TNS3: variants seen among roughly 807,000 people sequenced by gnomAD.
The protein encoded by TNS3 is tensin 3.
A neutral mutation model predicts 140.9 loss-of-function variants in TNS3; 45 were observed. That is an observed-to-expected ratio of 0.32 (90% CI 0.25 to 0.41). The LOEUF (loss-of-function observed/expected upper bound fraction) is 0.41, where lower values mean the gene tolerates loss of function less well. TNS3 is among the 10% of genes least tolerant of loss of function. TNS3 has a pLI of 1.00. For missense variants in TNS3, 1,716 were observed against 1,906.7 expected, an observed-to-expected ratio of 0.90 and a Z score of 1.86; for synonymous variants, 815 against 788.4, an observed-to-expected ratio of 1.03 and a Z score of -0.56.
intron 16 of TNS3, among the ~76,000 whole-genome samples, chr7:47,393,578 G>C (rs1792655258): frequency 6.6e-6 from 1 of 152,094 alleles, no homozygotes; most frequent in South Asian, 2.1e-4. Flanking sequence ...CACCTCCCTG[G>C]GGGTGCTCAT....
Position 47,369,264 on chromosome 7 carries a change from T to A in TNS3, c.1382A>T (p.Gln461Leu). Residue 461 changes from glutamine to leucine, a missense_variant, in exon 17 of 31, where the codon CAG (glutamine) becomes CTG (leucine). Transcript: ENST00000311160. ...AGCAGCGTCTCCATTCACGTGAACC[T>A]GGGCTGGCACCACGTGGCGGGTCCC... ...YSGTRHVVPA[Q>L]VHVNGDAALK... 1 of 1,614,180 alleles carries A rather than the reference T, an allele frequency of 6.2e-7. No homozygotes were observed. Among genetic ancestry groups the A allele is most frequent in the Non-Finnish European group, 8.5e-7 (1 of 1,180,036 alleles).
chr7:47,569,858 A>G (rs1800513849), intron 1 of TNS3, among the ~76,000 whole-genome samples: 1 of 146,780 alleles, frequency 6.8e-6, no homozygotes, highest in African/African-American at 2.5e-5. Flanking sequence ...TGTCTCAATA[A>G]AAAGAATAGG....
intron 4 of TNS3, among the ~76,000 whole-genome samples, chr7:47,447,784 C>T (rs761067411): frequency 2.0e-5 from 3 of 152,198 alleles, no homozygotes; most frequent in African/African-American, 4.8e-5. Context: ...CACCCCACCA[C>T]GCGCCATTTG....
chr7:47,385,869 C>A (rs1296685896), intron 16 of TNS3, among the ~76,000 whole-genome samples: 2 of 152,220 alleles, frequency 1.3e-5, no homozygotes, highest in Non-Finnish European at 2.9e-5. Flanking sequence ...ATGGCTACTG[C>A]TGCCACCAAA....
chr7:47,461,387 A>G (rs548121560), intron 4 of TNS3, among the ~76,000 whole-genome samples: 15 of 152,218 alleles, frequency 9.9e-5, no homozygotes, highest in Non-Finnish European at 1.9e-4. Context: ...TATGGAATGC[A>G]TGGCCTGAGC....
intron 16 of TNS3, among the ~76,000 whole-genome samples, chr7:47,384,339 A>C (rs1791949702): frequency 6.6e-6 from 1 of 152,018 alleles, no homozygotes; most frequent in Non-Finnish European, 1.5e-5. Context: ...TTTCACCCAA[A>C]ACTCATTTCT....
intron 28 of TNS3, among the ~76,000 whole-genome samples, 191 bp from the exon 29 acceptor site, chr7:47,280,545 A>G (rs1272943729): frequency 3.9e-5 from 6 of 152,222 alleles, no homozygotes; most frequent in African/African-American, 1.4e-4. Flanking sequence ...GCTGGGCAGA[A>G]CAGTTGTTAC....
At chr7:47,363,949 G>A (rs963464130) in intron 17 of TNS3, among the ~76,000 whole-genome samples, 4 of 152,158 alleles carry the variant, frequency 2.6e-5, no homozygotes, top group Non-Finnish European at 5.9e-5. Flanking sequence ...TCCTTTGGCT[G>A]GCTGAGGAGA....
At chr7:47,447,954 G>A (rs1444262564) in intron 4 of TNS3, among the ~76,000 whole-genome samples, 1 of 152,250 alleles carries the variant, frequency 6.6e-6, no homozygotes, top group Non-Finnish European at 1.5e-5. Flanking sequence ...ACATCTGGGA[G>A]CAGAACAAGG....
chr7:47,469,703 G>T lies in TNS3; in HGVS notation c.-76+11400C>A, dbSNP rs941956295. On this transcript the variant is annotated intron_variant, in intron 4 of 30. Coordinates refer to ENST00000311160, the MANE Select transcript of TNS3 (RefSeq NM_022748.12). ...GAAAATGTGGTATAGGCTGGGCACGGTGGCTCACGCCTGTAATCCCAGCAC... is the reference window on the plus strand; with the variant it reads ...GAAAATGTGGTATAGGCTGGGCACGTTGGCTCACGCCTGTAATCCCAGCAC... 6.6e-5 allele frequency among the ~76,000 whole-genome samples: 10 copies of T among 152,306 alleles called. No homozygotes were observed. In the South Asian group the frequency reaches 2.1e-3, roughly 32 times the overall value.
At chr7:47,472,453 GT>G (rs1444243857) in intron 4 of TNS3, among the ~76,000 whole-genome samples, 1 of 152,198 alleles carries the variant, frequency 6.6e-6, no homozygotes, top group Non-Finnish European at 1.5e-5. Flanking sequence ...TCCTTCACTG[GT>G]ACTCACTGTG....
intron 20 of TNS3, among the ~76,000 whole-genome samples, chr7:47,336,259 G>A (rs1788627254): frequency 6.6e-6 from 1 of 151,810 alleles, no homozygotes; most frequent in Admixed American, 6.5e-5. Flanking sequence ...GGCCGATGGA[G>A]GGGTTGATTC....
chr7:47,394,704 G>A (rs935333955), intron 16 of TNS3, among the ~76,000 whole-genome samples: 12 of 152,186 alleles, frequency 7.9e-5, no homozygotes, highest in Non-Finnish European at 1.2e-4. Context: ...CAGATTCTCC[G>A]TAAAGTTTCA....
rs1800302852 is a variant in TNS3 at position 47,560,650 on chromosome 7, C to T, written c.-265+21401G>A. Among the ~76,000 whole-genome samples the T allele has an allele frequency of 1.3e-5, 2 of 152,328 alleles. 1 individual carries two copies. The highest frequency in any genetic ancestry group is 4.1e-4 in the South Asian group (2 of 4,824). ...CAACCCTCGAACTGGGATCCCAGCACAGACATCAGCCTACAAATGACCCCC... is the reference window on the plus strand; with the variant it reads ...CAACCCTCGAACTGGGATCCCAGCATAGACATCAGCCTACAAATGACCCCC... On this transcript the variant is annotated intron_variant, in intron 1 of 30. Transcript: ENST00000311160.
At chr7:47,463,312 T>C (rs556272609) in intron 4 of TNS3, among the ~76,000 whole-genome samples, 239 of 152,250 alleles carry the variant, frequency 1.6e-3, no homozygotes, top group African/African-American at 5.6e-3. Context: ...GGAGTGGTTG[T>C]GCATGCCTGT....
At chr7:47,330,556 C>A (rs1295602063) in intron 20 of TNS3, among the ~76,000 whole-genome samples, 1 of 152,094 alleles carries the variant, frequency 6.6e-6, no homozygotes, top group African/African-American at 2.4e-5. Context: ...TGGGAAGTCA[C>A]ATCCTTCAAA....
At chr7:47,366,751 A>ACCTGGGCAGGCCACATAG (rs1790730467) in intron 17 of TNS3, among the ~76,000 whole-genome samples, 1 of 52,096 alleles carries the variant, frequency 1.9e-5, no homozygotes, top group Non-Finnish European at 7.5e-5. Flanking sequence ...AGGCCACATA[A>ACCTGGGCAGGCCACATAG]TCTACTGACA....
In TNS3 at chr7:47,355,788, A is replaced by AT. The variant is rs1245593419; in HGVS notation, c.2282-9433dup. On this transcript the variant is annotated intron_variant, in intron 17 of 30. Coordinates refer to ENST00000311160, the MANE Select transcript of TNS3 (RefSeq NM_022748.12). Reference sequence around the variant, plus strand: ...GTTGACCCTGAGCTGTGATTCTGTGATTCAGACTGCTCTTGGAGACTGATC... The same window carrying AT: ...GTTGACCCTGAGCTGTGATTCTGTGATTTCAGACTGCTCTTGGAGACTGATC... Among the ~76,000 whole-genome samples, 4 of 152,280 alleles carry AT rather than the reference A, an allele frequency of 2.6e-5. No individual in the cohort carries two copies. The East Asian group carries it at 7.7e-4, about 29-fold the overall frequency.
intron 1 of TNS3, among the ~76,000 whole-genome samples, chr7:47,554,965 T>G (rs1388578182): frequency 6.6e-6 from 1 of 150,900 alleles, no homozygotes; most frequent in Non-Finnish European, 1.5e-5. Flanking sequence ...GAGGCAGAGG[T>G]TGCAGTGAGC....
Sources: gnomAD v4.1 joint callset for allele counts (sites outside exome capture counted in the v4.1 genomes callset) on GRCh38, gnomAD v4.1.1 for gene constraint, MANE v1.5 for transcripts, NCBI Gene and HGNC (gene_info 2026-07-23, HGNC 2026-07-21) for gene names.